The following MSANTD2 variants were observed in gnomAD, a reference collection of about 807,000 sequenced individuals.
The protein encoded by MSANTD2 is Myb/SANT DNA binding domain containing 2, also known as myb/SANT-like DNA-binding domain-containing protein 2.
A neutral mutation model predicts 52.6 loss-of-function variants in MSANTD2; 19 were observed. That is an observed-to-expected ratio of 0.36 (90% CI 0.25 to 0.53). The LOEUF (loss-of-function observed/expected upper bound fraction) is 0.53, where lower values mean the gene tolerates loss of function less well. Among genes scored for constraint, MSANTD2 ranks in the 20% least tolerant of loss-of-function variants. The pLI, the probability that MSANTD2 is intolerant of heterozygous loss-of-function variation, is 0.91. For missense variants in MSANTD2, 558 were observed against 716.3 expected, an observed-to-expected ratio of 0.78 and a Z score of 2.52; for synonymous variants, 291 against 289.7, an observed-to-expected ratio of 1.00 and a Z score of -0.04.
intron 1 of MSANTD2, among the ~76,000 whole-genome samples, chr11:124,788,314 T>C (rs572164296): frequency 6.6e-5 from 10 of 152,100 alleles, no homozygotes; most frequent in Non-Finnish European, 1.3e-4. Context: ...ACATATGCTC[T>C]TGGAGTTAAA....
At chr11:124,796,781 T>A (rs1241513762) in intron 1 of MSANTD2, among the ~76,000 whole-genome samples, 1 of 152,246 alleles carries the variant, frequency 6.6e-6, no homozygotes. Flanking sequence ...TTCTATTTTG[T>A]AAAATCTAAA....
intron 1 of MSANTD2, among the ~76,000 whole-genome samples, chr11:124,780,213 C>T (rs924201944): frequency 6.6e-6 from 1 of 152,160 alleles, no homozygotes; most frequent in Non-Finnish European, 1.5e-5. Flanking sequence ...GCATAAATTT[C>T]TATGTACATC....
At chr11:124,798,042 T>C (rs957438240) in intron 1 of MSANTD2, among the ~76,000 whole-genome samples, 6 of 152,026 alleles carry the variant, frequency 3.9e-5, no homozygotes, top group Non-Finnish European at 7.4e-5. Flanking sequence ...ATGCCTAAAA[T>C]GCACTTCTAA....
intron 1 of MSANTD2, among the ~76,000 whole-genome samples, chr11:124,780,165 AC>A (rs766420077): frequency 6.6e-6 from 1 of 152,232 alleles, no homozygotes; most frequent in Non-Finnish European, 1.5e-5. Context: ...AAATAAAAAA[AC>A]ATTTCTGCAC....
At chr11:124,787,038 C>A (rs1377254327) in intron 1 of MSANTD2, among the ~76,000 whole-genome samples, 1 of 152,172 alleles carries the variant, frequency 6.6e-6, no homozygotes, top group Non-Finnish European at 1.5e-5. Context: ...GGTAACAGTA[C>A]CTCCATCATA....
chr11:124,771,831 T>C (rs1944535840), intron 3 of MSANTD2, among the ~76,000 whole-genome samples: 2 of 152,170 alleles, frequency 1.3e-5, no homozygotes, highest in Admixed American at 6.5e-5. Context: ...TTCTCTACCA[T>C]CTCTCAGACA....
intron 1 of MSANTD2, among the ~76,000 whole-genome samples, chr11:124,787,462 C>A (rs1157055577): frequency 6.6e-6 from 1 of 152,186 alleles, no homozygotes; most frequent in Non-Finnish European, 1.5e-5. Context: ...CTCACTGCAA[C>A]CTCCACCTCC....
At chr11:124,791,518 A>G (rs1304132362) in intron 1 of MSANTD2, 3 of 1,117,194 alleles carry the variant, frequency 2.7e-6, no homozygotes, top group Non-Finnish European at 4.0e-6. Flanking sequence ...TGGAGAAGGG[A>G]TAAATGAAAC....
At position 124,799,860 on chromosome 11, in the gene MSANTD2, C is replaced by T; in HGVS notation, c.510+11G>A. On this transcript the variant is annotated intron_variant, in intron 1 of 3. Coordinates refer to ENST00000374979, the MANE Select transcript of MSANTD2 (RefSeq NM_001308027.2). ...CTCTGGTTCGCTGCCCCAGGCCGGG[C>T]GGCCGGTTACCTTGATGCGCTCCCG... 1 of 1,567,028 alleles carries T rather than the reference C, an allele frequency of 6.4e-7. No individual in the cohort carries two copies. Among genetic ancestry groups the T allele is most frequent in the Non-Finnish European group, 8.6e-7 (1 of 1,163,742 alleles).
intron 1 of MSANTD2, chr11:124,784,675 A>T (rs964149889): frequency 1.0e-6 from 1 of 984,766 alleles, no homozygotes; most frequent in Non-Finnish European, 1.2e-6. Flanking sequence ...TCAGTTCTGT[A>T]GTTATTTTCT....
chr11:124,777,614 A>C (rs1481015569), intron 1 of MSANTD2, among the ~76,000 whole-genome samples: 1 of 152,268 alleles, frequency 6.6e-6, no homozygotes, highest in Non-Finnish European at 1.5e-5. Flanking sequence ...TTTACAATTT[A>C]TCAAAAGACA....
intron 1 of MSANTD2, among the ~76,000 whole-genome samples, chr11:124,777,030 C>T (rs191433342): frequency 1.7e-4 from 26 of 152,316 alleles, no homozygotes; most frequent in Admixed American, 1.6e-3. Context: ...CAAATGCCTG[C>T]GGCAGAGCTC....
intron 3 of MSANTD2, 139 bp from the exon 4 acceptor site, chr11:124,768,167 T>C (rs1944372211): frequency 1.4e-6 from 1 of 719,792 alleles, no homozygotes; most frequent in Non-Finnish European, 2.2e-6. Context: ...GCTGAGGTAT[T>C]ACATTTTTAA....
At position 124,774,291 on chromosome 11, in the gene MSANTD2, A is replaced by C. The variant is rs947274022; in HGVS notation, c.766+428T>G. Among the ~76,000 whole-genome samples, 2 of 151,854 alleles carry C rather than the reference A, an allele frequency of 1.3e-5. No individual in the cohort carries two copies. Among genetic ancestry groups the C allele is most frequent in the Admixed American group, 6.5e-5 (1 of 15,270 alleles). ...AGAAAAATGTATTTGGGATAAAAGA[A>C]GGAATTCCTAAGAACAACATCTACA... On this transcript the variant is annotated intron_variant, in intron 2 of 3. Transcript: ENST00000374979. This position sits in a 1 kb window ranked among gnomAD's most constrained non-coding sequence, Gnocchi z 5.1.
intron 1 of MSANTD2, among the ~76,000 whole-genome samples, chr11:124,793,332 C>T (rs2135270457): frequency 6.6e-6 from 1 of 152,298 alleles, no homozygotes; most frequent in Admixed American, 6.5e-5. Context: ...CAACTCTCAT[C>T]ATATTCATCT....
chr11:124,789,931 T>C (rs930252518), intron 1 of MSANTD2: 2 of 152,236 alleles, frequency 1.3e-5, no homozygotes, highest in Non-Finnish European at 2.9e-5. Context: ...CAGAATTAAA[T>C]AATATCCAAT....
At chr11:124,775,233 GTACCCCATACACATATTTTTA>G (rs1389736784) in intron 1 of MSANTD2, 1 of 369,850 alleles carries the variant, frequency 2.7e-6, no homozygotes, top group African/African-American at 2.1e-5. Context: ...ATTATTGCAT[GTACCCCATACACATATTTTTA>G]TACCCCCACC....
chr11:124,780,111 G>A (rs1258855285), intron 1 of MSANTD2, among the ~76,000 whole-genome samples: 1 of 152,100 alleles, frequency 6.6e-6, no homozygotes, highest in African/African-American at 2.4e-5. Flanking sequence ...TTTTGTTACT[G>A]TGAGCATAAA....
chr11:124,799,961 G>C lies in MSANTD2; in HGVS notation c.420C>G (p.Ala140=). 1 of 1,585,432 alleles carries C rather than the reference G, an allele frequency of 6.3e-7. No individual in the cohort carries two copies. The highest frequency in any genetic ancestry group is 8.5e-7 in the Non-Finnish European group (1 of 1,174,726). ...CGCGCTCGTACATGGCTGGCCCGGG[G>C]GCCTTGCTGCCGAACACCGTGCCGG... ...EGAGTVFGSK[A]PGPAMYERVS... is the part of the protein sequence containing the mutation. The change falls in exon 1 of 4, where the codon GCC becomes GCG. Residue 140 remains alanine (A), a synonymous_variant. Transcript: ENST00000374979.
Sources: allele counts gnomAD v4.1 joint callset (sites outside exome capture counted in the v4.1 genomes callset), GRCh38; gene constraint gnomAD v4.1.1; non-coding constraint Gnocchi (gnomAD v3.1); transcripts MANE v1.5; gene names NCBI Gene and HGNC (gene_info 2026-07-23, HGNC 2026-07-21).